Variants in ATP6V0E1 observed in about 807,000 individuals in gnomAD.
ATP6V0E1 encodes the protein V-type proton ATPase subunit e 1.
A neutral mutation model predicts 11.6 loss-of-function variants in ATP6V0E1; 4 were observed. The ratio of observed to expected loss-of-function variants is 0.35; its 90% confidence interval spans 0.17 to 0.79. The LOEUF is 0.79. ATP6V0E1 is among the 30% of genes least tolerant of loss of function. The pLI is 0.54. For missense variants in ATP6V0E1, 105 were observed against 100.0 expected (o/e 1.05, Z -0.21); for synonymous variants, 36 against 34.8 (o/e 1.04, Z -0.13).
chr5:173,017,715 C>T (rs1756424105), intron 2 of ATP6V0E1, among the ~76,000 whole-genome samples: 1 of 151,520 alleles, frequency 6.6e-6, no homozygotes, highest in Non-Finnish European at 1.5e-5. Flanking sequence ...GTGGCGCGTG[C>T]CTGTAATTCC....
At chr5:172,992,367 C>T (rs1201476829) in intron 1 of ATP6V0E1, among the ~76,000 whole-genome samples, 1 of 152,120 alleles carries the variant, frequency 6.6e-6, no homozygotes, top group Non-Finnish European at 1.5e-5. Flanking sequence ...TCCCTTTTCA[C>T]TCAGAGTCAA....
intron 2 of ATP6V0E1, among the ~76,000 whole-genome samples, chr5:173,017,607 C>A (rs1756420818): frequency 6.6e-6 from 1 of 150,696 alleles, no homozygotes; most frequent in Non-Finnish European, 1.5e-5. Flanking sequence ...CTTTGGGAGG[C>A]CAAGGTGGGC....
At chr5:172,997,371 C>T (rs1390138326) in intron 2 of ATP6V0E1, among the ~76,000 whole-genome samples, 1 of 152,074 alleles carries the variant, frequency 6.6e-6, no homozygotes, top group African/African-American at 2.4e-5. Context: ...ATGCAAGACA[C>T]ATTCCTTTGG....
chr5:173,005,240 T>G (rs1443729189), intron 2 of ATP6V0E1, among the ~76,000 whole-genome samples: 1 of 152,216 alleles, frequency 6.6e-6, no homozygotes, highest in Non-Finnish European at 1.5e-5. Flanking sequence ...ATCTTAATGA[T>G]GTTGAGTTTT....
At chr5:172,999,325 T>C (rs1162224629) in intron 2 of ATP6V0E1, among the ~76,000 whole-genome samples, 1 of 152,136 alleles carries the variant, frequency 6.6e-6, no homozygotes, top group African/African-American at 2.4e-5. Context: ...ATTTCCACTT[T>C]TTTTTTTTTC....
At chr5:173,016,489 C>T (rs1355039435) in intron 2 of ATP6V0E1, among the ~76,000 whole-genome samples, 1 of 152,170 alleles carries the variant, frequency 6.6e-6, no homozygotes, top group African/African-American at 2.4e-5. Flanking sequence ...GGGAGGAGAA[C>T]CACTCCGCTA....
At chr5:172,984,022 G>T in intron 1 of ATP6V0E1, 58 bp downstream of exon 1, 6 of 1,532,334 alleles carry the variant, frequency 3.9e-6, no homozygotes, top group Non-Finnish European at 5.4e-6. Flanking sequence ...GCAGGCCGGG[G>T]CGGGGAAAGG....
intron 2 of ATP6V0E1, among the ~76,000 whole-genome samples, chr5:173,011,175 C>CTTTTTTTTTT (rs754605378): frequency 8.7e-6 from 1 of 114,708 alleles, no homozygotes; most frequent in Non-Finnish European, 1.8e-5. Flanking sequence ...CCTGATTTAT[C>CTTTTTTTTTT]TTTTTTTTTT....
At chr5:172,999,100 C>T (rs1279336727) in intron 2 of ATP6V0E1, among the ~76,000 whole-genome samples, 1 of 152,030 alleles carries the variant, frequency 6.6e-6, no homozygotes, top group African/African-American at 2.4e-5. Flanking sequence ...TGTGCCATTG[C>T]ACTCCAGCCT....
chr5:172,993,459 T>C (rs1756014299), intron 1 of ATP6V0E1, among the ~76,000 whole-genome samples: 1 of 152,032 alleles, frequency 6.6e-6, no homozygotes, highest in Non-Finnish European at 1.5e-5. Flanking sequence ...TGAGCCAAGA[T>C]TGTGCCACTG....
At chr5:172,987,410 A>C (rs1755913337) in intron 1 of ATP6V0E1, among the ~76,000 whole-genome samples, 1 of 151,432 alleles carries the variant, frequency 6.6e-6, no homozygotes, top group Non-Finnish European at 1.5e-5. Flanking sequence ...CAGCCCCCTG[A>C]GTAGTTGGGA....
rs1215004295 is a variant in ATP6V0E1 at position 172,983,830 on chromosome 5, C to G, written c.-31C>G. 6.2e-7 allele frequency: 1 copy of G among 1,601,496 alleles called. No homozygotes were observed. The highest frequency in any genetic ancestry group is 1.1e-5 in the South Asian group (1 of 90,840). On this transcript the variant is annotated 5_prime_UTR_variant, in exon 1 of 4. Transcript: ENST00000519374. ...TCCTGGTGGGATCCGAGTGAGGCGA[C>G]GGGGTAGGGGTTGGCGCTCAGGCGG...
intron 2 of ATP6V0E1, among the ~76,000 whole-genome samples, chr5:173,001,622 A>G (rs57711670): frequency 0.04 from 6,078 of 152,112 alleles, 386 homozygotes; most frequent in African/African-American, 0.14. Context: ...GTGGTGGCTC[A>G]CGCCTGTAAT....
At chr5:172,994,880 CA>C (rs1756036416) in intron 2 of ATP6V0E1, 58 bp downstream of exon 2, 1 of 1,378,318 alleles carries the variant, frequency 7.3e-7, no homozygotes, top group African/African-American at 1.5e-5. Flanking sequence ...GCGATTTACA[CA>C]TTTGTTTTAT....
chr5:173,011,553 T>G (rs1481872113), intron 2 of ATP6V0E1, among the ~76,000 whole-genome samples: 1 of 152,074 alleles, frequency 6.6e-6, no homozygotes, highest in Admixed American at 6.6e-5. Context: ...ATTCCCCGCT[T>G]CCAGCTTCCC....
intron 3 of ATP6V0E1, among the ~76,000 whole-genome samples, chr5:173,031,625 T>C (rs1756656226): frequency 6.6e-6 from 1 of 151,144 alleles, no homozygotes; most frequent in African/African-American, 2.4e-5. Flanking sequence ...GAGACCACCC[T>C]GGCTAACACA....
chr5:173,020,971 G>T (rs781171047), intron 3 of ATP6V0E1: 2 of 516,148 alleles, frequency 3.9e-6, no homozygotes, highest in East Asian at 1.1e-4. Flanking sequence ...ATGGAGAAAG[G>T]TGCCTGCGTC....
chr5:172,997,562 C>G (rs1259369784), intron 2 of ATP6V0E1, among the ~76,000 whole-genome samples: 1 of 152,140 alleles, frequency 6.6e-6, no homozygotes, highest in Non-Finnish European at 1.5e-5. Context: ...GTAATCCCAG[C>G]ACTTTGGGAG....
intron 3 of ATP6V0E1, among the ~76,000 whole-genome samples, chr5:173,026,406 T>C (rs1756558885): frequency 6.6e-6 from 1 of 152,230 alleles, no homozygotes; most frequent in Non-Finnish European, 1.5e-5. Context: ...TATTTGCTGC[T>C]GTTTTTTGAA....
Sources: gnomAD v4.1 joint callset for allele counts (sites outside exome capture counted in the v4.1 genomes callset) on GRCh38, gnomAD v4.1.1 for gene constraint, MANE v1.5 for transcripts, NCBI Gene and HGNC (gene_info 2026-07-23, HGNC 2026-07-21) for gene names.